The following CDH13 variants were observed in gnomAD, a reference collection of about 807,000 sequenced individuals.
The protein encoded by CDH13 is cadherin-13.
In CDH13, 24 loss-of-function variants were observed where a neutral mutation model predicts 63.8. The ratio of observed to expected loss-of-function variants is 0.38; its 90% confidence interval spans 0.27 to 0.53. CDH13 has a LOEUF of 0.53. Ranked by LOEUF, CDH13 falls within the 20% of genes least tolerant of loss-of-function variation. The pLI is 0.85. For missense variants in CDH13, 1,049 were observed against 903.1 expected (o/e 1.16, Z -2.07); for synonymous variants, 503 against 355.3 (o/e 1.42, Z -4.67).
At chr16:83,657,600 G>T (rs913097651) in intron 8 of CDH13, among the ~76,000 whole-genome samples, 1 of 152,194 alleles carries the variant, frequency 6.6e-6, no homozygotes, top group Non-Finnish European at 1.5e-5. Context: ...CTTCTTTGCT[G>T]GAGAGGCTGT....
At chr16:83,067,423 C>G (rs925070649) in intron 3 of CDH13, among the ~76,000 whole-genome samples, 1 of 152,148 alleles carries the variant, frequency 6.6e-6, no homozygotes, top group Admixed American at 6.5e-5. Flanking sequence ...TTGGTTGTAT[C>G]AAGGACTCAA....
At chr16:82,631,088 T>G (rs1907953746) in intron 1 of CDH13, among the ~76,000 whole-genome samples, 1 of 152,258 alleles carries the variant, frequency 6.6e-6, no homozygotes, top group Non-Finnish European at 1.5e-5. Flanking sequence ...CTTGCTTTCC[T>G]TCTTTTGCTC....
chr16:83,076,361 A>C (rs1429323088), intron 3 of CDH13, among the ~76,000 whole-genome samples: 2 of 152,176 alleles, frequency 1.3e-5, no homozygotes, highest in Non-Finnish European at 2.9e-5. Flanking sequence ...TGGCTTATTC[A>C]TTCAGAGCTT....
intron 5 of CDH13, among the ~76,000 whole-genome samples, chr16:83,271,758 A>G (rs918823078): frequency 2.6e-5 from 4 of 152,182 alleles, no homozygotes; most frequent in Admixed American, 2.6e-4. Context: ...ATTTAGGATA[A>G]TTAGAGAAAA....
At chr16:82,914,743 C>T (rs2041933076) in intron 2 of CDH13, among the ~76,000 whole-genome samples, 2 of 152,186 alleles carry the variant, frequency 1.3e-5, no homozygotes, top group African/African-American at 2.4e-5. Flanking sequence ...GTCCACAACT[C>T]ACAGGAGAGT....
chr16:83,705,056 C>T lies in CDH13; in HGVS notation c.1538+26595C>T, dbSNP rs115024094. 7.4e-3 allele frequency among the ~76,000 whole-genome samples: 1,123 copies of T among 152,330 alleles called. 10 individuals carry two copies. Among genetic ancestry groups the T allele is most frequent in the African/African-American group, 0.025 (1,041 of 41,572 alleles). On this transcript the variant is annotated intron_variant, in intron 10 of 13. Transcript: ENST00000567109. Reference sequence around the variant, plus strand: ...AAACTGAAGCTCACCACTTCAAGTGCTATATCTTTCTATATATTGACTTCA... The same window carrying T: ...AAACTGAAGCTCACCACTTCAAGTGTTATATCTTTCTATATATTGACTTCA...
intron 5 of CDH13, among the ~76,000 whole-genome samples, chr16:83,334,672 G>C (rs1020980897): frequency 6.6e-6 from 1 of 152,068 alleles, no homozygotes; most frequent in Admixed American, 6.6e-5. Flanking sequence ...CACCATACCT[G>C]GCCCAATCTC....
intron 2 of CDH13, among the ~76,000 whole-genome samples, chr16:83,023,379 A>G (rs1188599376): frequency 1.3e-5 from 2 of 152,094 alleles, no homozygotes; most frequent in Non-Finnish European, 1.5e-5. Context: ...ATTCCAATAA[A>G]TCTCCATGTA....
intron 8 of CDH13, among the ~76,000 whole-genome samples, chr16:83,652,502 T>C (rs531312733): frequency 6.6e-6 from 1 of 152,212 alleles, no homozygotes; most frequent in East Asian, 1.9e-4. Context: ...CAACACCCCA[T>C]GGAAATTGGG....
chr16:83,196,633 A>C (rs1018047555), intron 4 of CDH13, among the ~76,000 whole-genome samples: 1 of 152,224 alleles, frequency 6.6e-6, no homozygotes, highest in Admixed American at 6.5e-5. Flanking sequence ...CAAAAGACAT[A>C]AACAGACATT....
intron 6 of CDH13, among the ~76,000 whole-genome samples, chr16:83,377,090 A>T (rs935594372): frequency 6.6e-6 from 1 of 152,178 alleles, no homozygotes; most frequent in Non-Finnish European, 1.5e-5. Context: ...GGCTGACCTC[A>T]TGAGAATCTG....
intron 1 of CDH13, among the ~76,000 whole-genome samples, chr16:82,701,251 C>T (rs1200233839): frequency 6.6e-6 from 1 of 152,184 alleles, no homozygotes. Context: ...CAACCTTGGG[C>T]ATGGCCCTAG....
At chr16:83,481,806 G>A (rs749931700) in intron 6 of CDH13, among the ~76,000 whole-genome samples, 1 of 152,170 alleles carries the variant, frequency 6.6e-6, no homozygotes, top group African/African-American at 2.4e-5. Context: ...TGTACTGTGT[G>A]GAAGCCCCAA....
At chr16:83,000,301 T>G (rs1310550847) in intron 2 of CDH13, among the ~76,000 whole-genome samples, 1 of 126,504 alleles carries the variant, frequency 7.9e-6, no homozygotes, top group Non-Finnish European at 1.6e-5. Context: ...CAGACTGTAG[T>G]GCAAAGCTGC....
intron 1 of CDH13, among the ~76,000 whole-genome samples, chr16:82,653,765 T>C (rs8046437): frequency 0.4 from 60,126 of 151,914 alleles, 12,799 homozygotes; most frequent in African/African-American, 0.57. Context: ...CAGACGCTCT[T>C]AAATCTGGGT....
Position 83,371,950 on chromosome 16 carries a change from C to T in CDH13, c.781+26944C>T, listed in dbSNP as rs184626224. 1.1e-4 allele frequency among the ~76,000 whole-genome samples: 17 copies of T among 152,250 alleles called. 1 individual carries two copies. The highest frequency in any genetic ancestry group is 9.2e-4 in the Admixed American group (14 of 15,300). On this transcript the variant is annotated intron_variant, in intron 6 of 13. Transcript: ENST00000567109. Reference sequence around the variant, plus strand: ...AATGGTAACTAATCATCCCCCGGACCGTATATACAGATATATAGGGATACC... The same window carrying T: ...AATGGTAACTAATCATCCCCCGGACTGTATATACAGATATATAGGGATACC...
intron 1 of CDH13, among the ~76,000 whole-genome samples, chr16:82,761,013 C>CTTTTT (rs2034818823): frequency 4.6e-5 from 2 of 43,576 alleles, no homozygotes; most frequent in African/African-American, 1.3e-4. Flanking sequence ...ACATTTCTTT[C>CTTTTT]TTTCTTTTTT....
chr16:83,282,834 T>G (rs1001706933), intron 5 of CDH13, among the ~76,000 whole-genome samples: 2 of 152,234 alleles, frequency 1.3e-5, no homozygotes, highest in African/African-American at 4.8e-5. Context: ...AAGCATATTT[T>G]CATCCTGTTA....
intron 4 of CDH13, among the ~76,000 whole-genome samples, chr16:83,201,063 A>G (rs1318156603): frequency 6.6e-6 from 1 of 152,002 alleles, no homozygotes; most frequent in Non-Finnish European, 1.5e-5. Flanking sequence ...AAGAAGCAGA[A>G]CTGGTCCTTA....
Sources: gnomAD v4.1 joint callset for allele counts (sites outside exome capture counted in the v4.1 genomes callset) on GRCh38, gnomAD v4.1.1 for gene constraint, MANE v1.5 for transcripts, NCBI Gene and HGNC (gene_info 2026-07-23, HGNC 2026-07-21) for gene names.